The following ETV1 variants were observed in gnomAD, a reference collection of about 807,000 sequenced individuals.
ETV1 encodes ETS variant transcription factor 1.
A neutral mutation model predicts 62.3 loss-of-function variants in ETV1; 27 were observed. The ratio of observed to expected loss-of-function variants is 0.43; its 90% CI spans 0.32 to 0.60. The LOEUF (loss-of-function observed/expected upper bound fraction) is 0.60. Ranked by LOEUF, ETV1 falls within the 20% of genes least tolerant of loss-of-function variation. ETV1 has a pLI of 0.06. For synonymous variants in ETV1, 222 were observed against 199.6 expected, an observed-to-expected ratio of 1.11 and a Z score of -0.94; for missense variants, 605 against 605.8, an observed-to-expected ratio of 1.00 and a Z score of 0.01.
Position 13,985,745 on chromosome 7 carries a change from G to A in ETV1, c.181+893C>T, listed in dbSNP as rs537325728. On this transcript the variant is annotated intron_variant, in intron 5 of 13. Coordinates refer to ENST00000430479, the MANE Select transcript of ETV1 (RefSeq NM_004956.5). ...CCACAAACCACACCATAAAATTAATGTTTCACATTTGTATGCCAAATCCAA... is the reference window on the plus strand; with the variant it reads ...CCACAAACCACACCATAAAATTAATATTTCACATTTGTATGCCAAATCCAA... Among the ~76,000 whole-genome samples the A allele has an allele frequency of 2.6e-5, 4 of 152,188 alleles. No homozygotes were observed. The East Asian group carries it at 7.7e-4, about 29-fold the overall frequency.
chr7:13,983,594 A>G (rs1782215205), intron 5 of ETV1, among the ~76,000 whole-genome samples: 1 of 148,334 alleles, frequency 6.7e-6, no homozygotes, highest in African/African-American at 2.5e-5. Flanking sequence ...GACTATGGCA[A>G]CATTTTAAAA....
At position 13,946,467 on chromosome 7, in the gene ETV1, C is replaced by T. The variant is rs546979999; in HGVS notation, c.236-7221G>A. Among the ~76,000 whole-genome samples the T allele has an allele frequency of 2.0e-5, 3 of 152,318 alleles. No individual in the cohort carries two copies. The East Asian group carries it at 5.8e-4, about 29-fold the overall frequency. ...ACTTCCAAAATAAACTTAACCACTT[C>T]TTAATTCAGAAGTTTACTTGGGGTT... On this transcript the variant is annotated intron_variant, in intron 6 of 13. Transcript: ENST00000430479.
At chr7:13,907,483 G>A (rs1253037338) in intron 11 of ETV1, among the ~76,000 whole-genome samples, 2 of 152,018 alleles carry the variant, frequency 1.3e-5, no homozygotes, top group Non-Finnish European at 2.9e-5. Context: ...ATAGAGCACA[G>A]CAATAAAGGT....
intron 12 of ETV1, among the ~76,000 whole-genome samples, chr7:13,904,084 GA>G (rs1782710909): frequency 6.6e-6 from 1 of 152,164 alleles, no homozygotes; most frequent in African/African-American, 2.4e-5. Context: ...GGAACAGGGT[GA>G]CCACAGGTCA....
chr7:13,960,168 T>C (rs1236689391), intron 6 of ETV1, among the ~76,000 whole-genome samples: 1 of 152,116 alleles, frequency 6.6e-6, no homozygotes, highest in Admixed American at 6.5e-5. Context: ...ATTACATCTG[T>C]CTAGGGAAGA....
At chr7:13,938,966 T>C in intron 7 of ETV1, 151 bp downstream of exon 7, 1 of 695,388 alleles carries the variant, frequency 1.4e-6, no homozygotes, top group Non-Finnish European at 2.3e-6. Context: ...TGGTAAATGG[T>C]TCTTTAGAGT....
At chr7:13,987,930 C>T (rs1782695635) in intron 4 of ETV1, among the ~76,000 whole-genome samples, 156 bp downstream of exon 4, 1 of 152,126 alleles carries the variant, frequency 6.6e-6, no homozygotes, top group Non-Finnish European at 1.5e-5. Context: ...ATGCAAACTG[C>T]CGCATTATGT....
intron 8 of ETV1, among the ~76,000 whole-genome samples, chr7:13,933,496 A>C (rs1786433534): frequency 6.6e-6 from 1 of 152,236 alleles, no homozygotes; most frequent in Non-Finnish European, 1.5e-5. Context: ...CAGTGGGTTC[A>C]GGAAAAAGTG....
intron 6 of ETV1, among the ~76,000 whole-genome samples, chr7:13,967,569 A>G (rs1780432174): frequency 6.6e-6 from 1 of 152,148 alleles, no homozygotes; most frequent in African/African-American, 2.4e-5. Context: ...ATTTAAAAAA[A>G]CAATAGCATC....
intron 3 of ETV1, chr7:13,988,667 C>T (rs749681767): frequency 4.4e-6 from 7 of 1,599,876 alleles, no homozygotes; most frequent in Middle Eastern, 1.7e-4. Context: ...AAAGTGTCAG[C>T]ATTTGTCTCA....
intron 11 of ETV1, among the ~76,000 whole-genome samples, chr7:13,908,426 C>T (rs190814039): frequency 6.6e-6 from 1 of 152,030 alleles, no homozygotes; most frequent in Admixed American, 6.6e-5. Flanking sequence ...AAGGTCATTC[C>T]AAGAGTAAGA....
At chr7:13,948,020 G>A (rs780727454) in intron 6 of ETV1, among the ~76,000 whole-genome samples, 12 of 152,128 alleles carry the variant, frequency 7.9e-5, no homozygotes, top group Admixed American at 1.3e-4. Flanking sequence ...TTCTTGGCAC[G>A]TGTATCTAAA....
At chr7:13,988,595 G>GAAAAAAAAAAAAAAAGAAAAAAAAAAA (rs34468165) in intron 3 of ETV1, 2 of 768,996 alleles carry the variant, frequency 2.6e-6, no homozygotes, top group Non-Finnish European at 3.1e-6. Flanking sequence ...GTAGAGAAAT[G>GAAAAAAAAAAAAAAAGAAAAAAAAAAA]AAAAAAAAAA....
chr7:13,989,563 C>T lies in ETV1; in HGVS notation c.-285G>A. 1 of 399,102 alleles carries T rather than the reference C, an allele frequency of 2.5e-6. No individual in the cohort carries two copies. Among genetic ancestry groups the T allele is most frequent in the Non-Finnish European group, 4.4e-6 (1 of 226,162 alleles). 24.7% of individuals were successfully genotyped at this position (399,102 alleles called of 1,614,324 possible). A position where few individuals can be genotyped will look rare whatever the true frequency, so the allele number is the denominator to read the frequency against. On this transcript the variant is annotated splice_region_variant and 5_prime_UTR_variant, in exon 1 of 14. Coordinates refer to ENST00000430479, the MANE Select transcript of ETV1 (RefSeq NM_004956.5). ...ATAAAAAGTTGTTGGAAAGACCCAC[C>T]TGAAGGCCACGCTAGGCGAAAGGCT...
At chr7:13,984,548 G>A (rs765981) in intron 5 of ETV1, among the ~76,000 whole-genome samples, 86,989 of 151,682 alleles carry the variant, frequency 0.57, 25,270 homozygotes, top group African/African-American at 0.63. Context: ...TAAACATCAC[G>A]TTAACAACTT....
Position 13,988,190 on chromosome 7 carries a change from A to T in ETV1, c.46-17T>A. 1 of 1,549,328 alleles carries T rather than the reference A, an allele frequency of 6.5e-7. No homozygotes were observed. The highest frequency in any genetic ancestry group is 8.9e-7 in the Non-Finnish European group (1 of 1,121,410). On this transcript the variant is annotated splice_polypyrimidine_tract_variant and intron_variant, in intron 3 of 13. Transcript: ENST00000430479. The stretch of plus-strand genomic sequence containing the variant: ...ACGCTGACTCTACAAAGGGAAAGAT[A>T]AAATCCTTTAAAAGAATGTAAACCT...
intron 6 of ETV1, among the ~76,000 whole-genome samples, chr7:13,953,077 C>A (rs770554586): frequency 5.9e-5 from 9 of 152,172 alleles, no homozygotes; most frequent in Non-Finnish European, 1.3e-4. Context: ...TCAGATCGTC[C>A]TACCCCTACT....
At chr7:13,973,163 C>G (rs992653082) in intron 6 of ETV1, among the ~76,000 whole-genome samples, 17 of 152,160 alleles carry the variant, frequency 1.1e-4, no homozygotes, top group African/African-American at 3.9e-4. Flanking sequence ...AATGCATGTT[C>G]TATAATCCAG....
Position 13,918,284 on chromosome 7 carries a change from T to A in ETV1, c.803-6977A>T, listed in dbSNP as rs534984421. On this transcript the variant is annotated intron_variant, in intron 9 of 13. Coordinates refer to ENST00000430479, the MANE Select transcript of ETV1 (RefSeq NM_004956.5). ...GTCAAATGGTATTTCTAGTTCTAGA[T>A]CCCTGAGGAATTGCCACACTGACTT... Among the ~76,000 whole-genome samples, 13 of 152,298 alleles carry A rather than the reference T, an allele frequency of 8.5e-5. No individual in the cohort carries two copies. The South Asian group carries it at 1.0e-3, about 12-fold the overall frequency.
Sources: gnomAD v4.1 joint callset for allele counts (sites outside exome capture counted in the v4.1 genomes callset) on GRCh38, gnomAD v4.1.1 for gene constraint, MANE v1.5 for transcripts, NCBI Gene and HGNC (gene_info 2026-07-23, HGNC 2026-07-21) for gene names.